GPR158: variants seen among roughly 807,000 people sequenced by gnomAD.
The protein encoded by GPR158 is G protein-coupled receptor 158.
A neutral mutation model predicts 78.2 loss-of-function variants in GPR158; 30 were observed. The ratio of observed to expected loss-of-function variants is 0.38; its 90% CI spans 0.29 to 0.52. The LOEUF is 0.52. Ranked by LOEUF, GPR158 falls within the 20% of genes least tolerant of loss-of-function variation. The pLI is 0.83. For missense variants in GPR158, 1,463 were observed against 1,523.5 expected, an observed-to-expected ratio of 0.96 and a Z score of 0.66; for synonymous variants, 581 against 591.1, an observed-to-expected ratio of 0.98 and a Z score of 0.25.
At chr10:25,393,897 T>C (rs1834334970) in intron 2 of GPR158, 1 of 152,226 alleles carries the variant, frequency 6.6e-6, no homozygotes, top group South Asian at 2.1e-4. Flanking sequence ...TTTAGTCTTA[T>C]CTAATCTCAC....
At chr10:25,348,620 A>G (rs568265203) in intron 2 of GPR158, among the ~76,000 whole-genome samples, 16 of 152,134 alleles carry the variant, frequency 1.1e-4, no homozygotes, top group African/African-American at 3.9e-4. Context: ...GAAACTGAAC[A>G]CTTATCTCCC....
At chr10:25,203,974 C>G (rs1436539614) in intron 1 of GPR158, among the ~76,000 whole-genome samples, 1 of 122,182 alleles carries the variant, frequency 8.2e-6, no homozygotes, top group Non-Finnish European at 1.7e-5. Flanking sequence ...AGGGCCTTCA[C>G]GTCCCTTGTA....
chr10:25,293,673 C>A (rs1163601587), intron 2 of GPR158, among the ~76,000 whole-genome samples: 1 of 152,004 alleles, frequency 6.6e-6, no homozygotes, highest in East Asian at 1.9e-4. Context: ...CAAATTATTT[C>A]CTTGATCATA....
chr10:25,601,335 C>A lies in GPR158; in HGVS notation c.*2061C>A, dbSNP rs919648385. The A allele has an allele frequency of 6.6e-6, 1 of 152,538 alleles. No individual in the cohort carries two copies. Among genetic ancestry groups the A allele is most frequent in the Non-Finnish European group, 1.5e-5 (1 of 68,034 alleles). The allele number at this position is 152,538 out of a possible 1,614,324, so 9.4% of individuals were successfully genotyped here. A position where few individuals can be genotyped will look rare whatever the true frequency, so the allele number is the denominator to read the frequency against. Reference sequence around the variant, plus strand: ...GAAATTCTATTTTTGTGTCTTTACACCATTTATTTCTTTTATCTCTTCCTT... The same window carrying A: ...GAAATTCTATTTTTGTGTCTTTACAACATTTATTTCTTTTATCTCTTCCTT... On this transcript the variant is annotated 3_prime_UTR_variant, in exon 11 of 11. Transcript: ENST00000376351.
intron 7 of GPR158, among the ~76,000 whole-genome samples, chr10:25,576,341 C>A (rs1243446282): frequency 6.6e-6 from 1 of 152,140 alleles, no homozygotes; most frequent in African/African-American, 2.4e-5. Context: ...CCTTTCTGAT[C>A]ACAACCCATT....
At chr10:25,529,758 A>G (rs923594730) in intron 5 of GPR158, among the ~76,000 whole-genome samples, 3 of 152,212 alleles carry the variant, frequency 2.0e-5, no homozygotes, top group Admixed American at 1.3e-4. Context: ...CTCTCACGAC[A>G]GCCTTTTTCA....
intron 4 of GPR158, among the ~76,000 whole-genome samples, chr10:25,422,396 C>T (rs1352520392): frequency 6.6e-6 from 1 of 152,062 alleles, no homozygotes; most frequent in East Asian, 1.9e-4. Flanking sequence ...CACATGTGCA[C>T]TCCTTATGAG....
At chr10:25,445,741 AG>A (rs1221565382) in intron 4 of GPR158, among the ~76,000 whole-genome samples, 1 of 151,934 alleles carries the variant, frequency 6.6e-6, no homozygotes, top group Admixed American at 6.6e-5. Context: ...CGAGAGAGAG[AG>A]AGGAGAGAGG....
intron 5 of GPR158, among the ~76,000 whole-genome samples, chr10:25,489,600 C>T (rs778665694): frequency 6.6e-6 from 1 of 152,086 alleles, no homozygotes; most frequent in African/African-American, 2.4e-5. Flanking sequence ...CAACTCTCTA[C>T]CCCTAGCTGT....
chr10:25,241,174 TTTC>T (rs1283241871), intron 2 of GPR158, among the ~76,000 whole-genome samples: 2 of 111,832 alleles, frequency 1.8e-5, no homozygotes, highest in African/African-American at 8.4e-5. Flanking sequence ...TCTTTCTTTC[TTTC>T]TTTCTTTCTT....
At chr10:25,362,234 T>C (rs1281635225) in intron 2 of GPR158, among the ~76,000 whole-genome samples, 2 of 151,982 alleles carry the variant, frequency 1.3e-5, no homozygotes, top group Admixed American at 1.3e-4. Context: ...CATGTTGTGG[T>C]CTTGGCATTC....
chr10:25,419,086 T>G (rs1834709828), intron 4 of GPR158, among the ~76,000 whole-genome samples: 1 of 152,130 alleles, frequency 6.6e-6, no homozygotes, highest in Non-Finnish European at 1.5e-5. Flanking sequence ...AGTAAAATTT[T>G]TATTGTTCAT....
intron 1 of GPR158, among the ~76,000 whole-genome samples, chr10:25,192,423 T>C (rs1852784685): frequency 6.6e-6 from 1 of 152,120 alleles, no homozygotes; most frequent in Non-Finnish European, 1.5e-5. Context: ...GAAAATACCT[T>C]GCCTATTTCA....
intron 1 of GPR158, among the ~76,000 whole-genome samples, chr10:25,219,613 A>G (rs533979373): frequency 2.6e-5 from 4 of 152,294 alleles, no homozygotes; most frequent in Non-Finnish European, 4.4e-5. Flanking sequence ...TAGTGTCCCT[A>G]TATATTTCTG....
intron 2 of GPR158, among the ~76,000 whole-genome samples, chr10:25,289,489 G>C (rs1488294228): frequency 6.6e-6 from 1 of 152,050 alleles, no homozygotes; most frequent in Non-Finnish European, 1.5e-5. Context: ...CTGGAGTGCA[G>C]TGGCGCCATC....
chr10:25,470,660 A>G (rs1270125174), intron 5 of GPR158, among the ~76,000 whole-genome samples: 2 of 152,194 alleles, frequency 1.3e-5, no homozygotes, highest in Non-Finnish European at 2.9e-5. Flanking sequence ...CAGTATAAAG[A>G]CTGAGTGTTT....
At chr10:25,378,967 A>T (rs551838659) in intron 2 of GPR158, among the ~76,000 whole-genome samples, 1 of 151,752 alleles carries the variant, frequency 6.6e-6, no homozygotes, top group African/African-American at 2.4e-5. Context: ...TTTAAAATAA[A>T]TTTTTCTGAG....
At chr10:25,582,279 G>A (rs1379513674) in intron 7 of GPR158, among the ~76,000 whole-genome samples, 3 of 152,164 alleles carry the variant, frequency 2.0e-5, no homozygotes, top group African/African-American at 7.2e-5. Context: ...ATCTGAGTCT[G>A]CCTTTGTGAG....
At chr10:25,202,392 A>G (rs1852944021) in intron 1 of GPR158, among the ~76,000 whole-genome samples, 1 of 151,916 alleles carries the variant, frequency 6.6e-6, no homozygotes, top group Admixed American at 6.6e-5. Flanking sequence ...CCCTAATGCT[A>G]TCTCTACCCA....
Sources: allele counts gnomAD v4.1 joint callset (sites outside exome capture counted in the v4.1 genomes callset), GRCh38; gene constraint gnomAD v4.1.1; transcripts MANE v1.5; gene names NCBI Gene and HGNC (gene_info 2026-07-23, HGNC 2026-07-21).